Variants in TNS1 observed in about 807,000 individuals in gnomAD.
TNS1 encodes the protein tensin 1.
Under a neutral mutation model 168.6 loss-of-function variants are expected in TNS1, and 62 were observed. The ratio of observed to expected loss-of-function variants is 0.37; its 90% CI spans 0.30 to 0.45. The LOEUF (loss-of-function observed/expected upper bound fraction) is 0.45. Ranked by LOEUF, TNS1 falls within the 20% of genes least tolerant of loss-of-function variation. The pLI is 1.00. For synonymous variants in TNS1, 934 were observed against 933.2 expected (o/e 1.00, Z -0.02); for missense variants, 2,240 against 2,339.4 (o/e 0.96, Z 0.88).
At chr2:218,024,191 C>T (rs1467078976) in intron 1 of TNS1, among the ~76,000 whole-genome samples, 1 of 152,122 alleles carries the variant, frequency 6.6e-6, no homozygotes, top group Non-Finnish European at 1.5e-5. Context: ...GTCCCCATTC[C>T]CTCTGCTACT....
In TNS1 at chr2:217,897,952, C is replaced by T. The variant is rs751675580; in HGVS notation, c.389G>A (p.Arg130Gln). ...CAGCTCACAGCTGTCCTCCATGGTC[C>T]GGCTCACACTCATGTTTCTAGGGAG... Reference protein sequence around the residue: ...LQPIRNMSVSRTMEDSCELDL... With the variant: ...LQPIRNMSVSQTMEDSCELDL... The change falls in exon 8 of 33, where the codon CGG becomes CAG. Residue 130 changes from arginine (R) to glutamine (Q), a missense_variant. Transcript: ENST00000682258. 51 of 1,607,160 alleles carry T rather than the reference C, an allele frequency of 3.2e-5. No homozygotes were observed. In the Admixed American group the frequency reaches 4.6e-4, roughly 14 times the overall value.
At chr2:218,004,085 A>C (rs1958623914), upstream of TNS1, among the ~76,000 whole-genome samples, 1 of 152,188 alleles carries the variant, frequency 6.6e-6, no homozygotes, top group African/African-American at 2.4e-5. Context: ...GGCTGGACCA[A>C]CTGAGGGTGG....
chr2:217,861,627 C>G (rs1299921956), intron 18 of TNS1, among the ~76,000 whole-genome samples: 1 of 152,220 alleles, frequency 6.6e-6, no homozygotes, highest in African/African-American at 2.4e-5. Flanking sequence ...CAGATACTAC[C>G]AACTACTAGC....
At chr2:217,974,312 C>T (rs1198989910) in intron 3 of TNS1, among the ~76,000 whole-genome samples, 1 of 152,194 alleles carries the variant, frequency 6.6e-6, no homozygotes, top group Non-Finnish European at 1.5e-5. Context: ...TTGCAGCACC[C>T]TCTGTGTCAG....
intron 22 of TNS1, among the ~76,000 whole-genome samples, chr2:217,829,473 G>A (rs986953625): frequency 3.5e-4 from 54 of 152,342 alleles, no homozygotes; most frequent in African/African-American, 1.1e-3. Flanking sequence ...AGCACGTCCC[G>A]GGAAAGGGGA....
chr2:217,840,353 G>T (rs550715617), intron 19 of TNS1, among the ~76,000 whole-genome samples: 1 of 152,196 alleles, frequency 6.6e-6, no homozygotes, highest in East Asian at 1.9e-4. Flanking sequence ...GTTAGTGGAC[G>T]GCATCATTCT....
At chr2:217,836,299 C>T (rs1559200582) in intron 19 of TNS1, 88 bp from the exon 20 acceptor site, 3 of 1,331,468 alleles carry the variant, frequency 2.3e-6, no homozygotes, top group Non-Finnish European at 3.0e-6. Flanking sequence ...AAGGCAGTGC[C>T]TCCTAGCTCA....
intron 18 of TNS1, among the ~76,000 whole-genome samples, chr2:217,866,324 C>T (rs1949267921): frequency 6.6e-6 from 1 of 152,154 alleles, no homozygotes; most frequent in Non-Finnish European, 1.5e-5. Flanking sequence ...GGATCTGGAT[C>T]CTCAAGGATA....
At chr2:218,031,348 TGA>T (rs1353616384) in intron 1 of TNS1, among the ~76,000 whole-genome samples, 5 of 147,074 alleles carry the variant, frequency 3.4e-5, no homozygotes, top group Admixed American at 1.4e-4. Flanking sequence ...TGTGAGTGTA[TGA>T]GTGTGTGTTG....
intron 18 of TNS1, among the ~76,000 whole-genome samples, chr2:217,876,307 C>T (rs1020461650): frequency 9.2e-5 from 14 of 152,258 alleles, no homozygotes; most frequent in South Asian, 2.1e-4. Flanking sequence ...AAAAACACAG[C>T]GCCACCCCTA....
intron 5 of TNS1, 84 bp downstream of exon 5, chr2:217,907,126 C>G (rs1953805297): frequency 1.4e-6 from 1 of 691,642 alleles, no homozygotes; most frequent in African/African-American, 1.8e-5. Flanking sequence ...TGTCCACTCT[C>G]CCCCAAATCC....
At chr2:217,911,633 G>A (rs1232054884) in intron 4 of TNS1, among the ~76,000 whole-genome samples, 1 of 152,192 alleles carries the variant, frequency 6.6e-6, no homozygotes, top group East Asian at 1.9e-4. Context: ...CAACCACCCT[G>A]GGAGGCGAGC....
Position 218,033,306 on chromosome 2 carries a change from C to A in TNS1, c.156+514G>T, listed in dbSNP as rs745831161. On this transcript the variant is annotated intron_variant, in intron 1 of 1. Coordinates refer to the TNS1 transcript ENST00000649572. The surrounding 1 kb of genome is among the most constrained non-coding windows in gnomAD (Gnocchi z 4.3). The stretch of plus-strand genomic sequence containing the variant: ...TCCCCACTGCCAGGTCAGCTCCCCA[C>A]TTGCTAGTCTCTGAGACTTACCCAG... 2.0e-5 allele frequency among the ~76,000 whole-genome samples: 3 copies of A among 152,080 alleles called. No individual in the cohort carries two copies. Among genetic ancestry groups the A allele is most frequent in the Non-Finnish European group, 4.4e-5 (3 of 67,988 alleles).
In TNS1 at chr2:217,821,864, T is replaced by C; in HGVS notation, c.3448A>G (p.Ser1150Gly). The change falls in exon 23 of 33, where the codon AGC (serine) becomes GGC (glycine). Residue 1150 changes from serine to glycine, a missense_variant. Physicochemically the swap from Ser to Gly is moderately conservative, Grantham distance 56 (BLOSUM62 0). Transcript: ENST00000682258. ...GPRAQDSEPK[S>G]FSAPATQAYG... ...GCCTGGGTGGCTGGAGCACTAAAGC[T>C]CTTGGGCTCAGAGTCCTGAGCTCGG... 1.3e-6 allele frequency: 2 copies of C among 1,588,700 alleles called. No individual in the cohort carries two copies. The highest frequency in any genetic ancestry group is 1.8e-5 in the Admixed American group (1 of 56,050).
At chr2:217,843,694 T>G (rs1946281455) in intron 19 of TNS1, among the ~76,000 whole-genome samples, 1 of 152,154 alleles carries the variant, frequency 6.6e-6, no homozygotes, top group Admixed American at 6.5e-5. Flanking sequence ...CCCTTCCTCC[T>G]TGAAACCCTT....
chr2:218,008,470 C>T lies in TNS1; in HGVS notation c.96+1630G>A, dbSNP rs375488567. Among the ~76,000 whole-genome samples, 223 of 152,348 alleles carry T rather than the reference C, an allele frequency of 1.5e-3. 1 individual carries two copies. Among genetic ancestry groups the T allele is most frequent in the African/African-American group, 4.8e-3 (199 of 41,570 alleles). On this transcript the variant is annotated intron_variant, in intron 1 of 32. Transcript: ENST00000646520. Reference sequence around the variant, plus strand: ...GCCGGCCATTTCCCACTTCAGGCTCCTTTTCTCAAATCTAGAAATCCAGAC... The same window carrying T: ...GCCGGCCATTTCCCACTTCAGGCTCTTTTTCTCAAATCTAGAAATCCAGAC...
At chr2:217,825,367 C>G (rs1235962773) in intron 22 of TNS1, among the ~76,000 whole-genome samples, 1 of 152,152 alleles carries the variant, frequency 6.6e-6, no homozygotes, top group Admixed American at 6.5e-5. Flanking sequence ...CAGCTCCCTC[C>G]TGGTTCCTTA....
chr2:217,900,922 G>A (rs995882172), intron 6 of TNS1, among the ~76,000 whole-genome samples: 1 of 152,110 alleles, frequency 6.6e-6, no homozygotes, highest in Non-Finnish European at 1.5e-5. Flanking sequence ...GAGTAATGGC[G>A]CCCCTCTGTC....
At chr2:217,913,558 T>C (rs937303538) in intron 4 of TNS1, among the ~76,000 whole-genome samples, 2 of 152,018 alleles carry the variant, frequency 1.3e-5, no homozygotes, top group Non-Finnish European at 2.9e-5. Context: ...TGAGCATCTA[T>C]ACCAGCTCAG....
Sources: gnomAD v4.1 joint callset for allele counts (sites outside exome capture counted in the v4.1 genomes callset) on GRCh38, gnomAD v4.1.1 for gene constraint, Gnocchi (gnomAD v3.1) non-coding constraint, MANE v1.5 for transcripts, NCBI Gene and HGNC (gene_info 2026-07-23, HGNC 2026-07-21) for gene names.